Variants in TTC27 observed in about 807,000 individuals in gnomAD.
TTC27 encodes the protein tetratricopeptide repeat domain 27.
In TTC27, 79 loss-of-function variants were observed where a neutral mutation model predicts 115.9. The observed-to-expected ratio is 0.68, with a 90% confidence interval of 0.57 to 0.82. The LOEUF is 0.82. Ranked by LOEUF, TTC27 falls within the 40% of genes least tolerant of loss-of-function variation. The pLI is 0.00. For missense variants in TTC27, 1,054 were observed against 993.1 expected (o/e 1.06, Z -0.82); for synonymous variants, 401 against 356.0 (o/e 1.13, Z -1.42).
chr2:32,630,637 G>T lies in TTC27; in HGVS notation c.203G>T (p.Ser68Ile). Residue 68 changes from serine to isoleucine, a missense_variant, in exon 2 of 20, where the codon AGC (serine) becomes ATC (isoleucine). Transcript: ENST00000317907. ...ACAACCGCTGAAGAAAAGATTGATA[G>T]CTACCTGGAGAAGCAGGTAGTAACA... ...STTTAEEKIDSYLEKQVVTFL... is the reference protein window; with the variant it reads ...STTTAEEKIDIYLEKQVVTFL... 1 of 1,613,786 alleles carries T rather than the reference G, an allele frequency of 6.2e-7. No individual in the cohort carries two copies. The highest frequency in any genetic ancestry group is 8.5e-7 in the Non-Finnish European group (1 of 1,179,894).
chr2:32,802,911 CAT>C lies in TTC27; in HGVS notation c.1999-8111_1999-8110del, dbSNP rs539846429. 1.0e-3 allele frequency among the ~76,000 whole-genome samples: 153 copies of C among 152,332 alleles called. 1 individual carries two copies. The highest frequency in any genetic ancestry group is 3.5e-3 in the African/African-American group (144 of 41,576). On this transcript the variant is annotated intron_variant, in intron 16 of 19. Coordinates refer to ENST00000317907, the MANE Select transcript of TTC27 (RefSeq NM_017735.5). ...CACATGACCCTTTAACTCTTTTTCA[CAT>C]AGTCTATTCAATTTGTTTATTTTAT...
At chr2:32,787,272 G>T in intron 16 of TTC27, 123 bp downstream of exon 16, 1 of 1,085,902 alleles carries the variant, frequency 9.2e-7, no homozygotes. Flanking sequence ...CATATGAAAA[G>T]GGTATTTTTT....
chr2:32,700,254 C>G (rs1401314659), intron 9 of TTC27, among the ~76,000 whole-genome samples: 1 of 152,160 alleles, frequency 6.6e-6, no homozygotes, highest in Non-Finnish European at 1.5e-5. Context: ...GATGGGAATG[C>G]TCCTCCAATT....
At chr2:32,697,200 A>AAC (rs1553552448) in intron 9 of TTC27, among the ~76,000 whole-genome samples, 11 of 151,798 alleles carry the variant, frequency 7.2e-5, no homozygotes, top group East Asian at 1.9e-4. Flanking sequence ...TCAAAAAAAA[A>AAC]AAACAAACAA....
chr2:32,646,194 A>G (rs569162055), intron 4 of TTC27, among the ~76,000 whole-genome samples: 1 of 150,562 alleles, frequency 6.6e-6, no homozygotes, highest in South Asian at 2.1e-4. Context: ...ATGTGCAGCT[A>G]ATTTTTTGCA....
intron 16 of TTC27, among the ~76,000 whole-genome samples, chr2:32,800,551 G>A (rs1670888068): frequency 6.6e-6 from 1 of 151,942 alleles, no homozygotes; most frequent in African/African-American, 2.4e-5. Flanking sequence ...AGGCTGGAGT[G>A]CAGTGGCACA....
chr2:32,655,414 G>A (rs1419998961), intron 5 of TTC27, among the ~76,000 whole-genome samples: 2 of 152,048 alleles, frequency 1.3e-5, no homozygotes, highest in East Asian at 1.9e-4. Context: ...CCCAAAGTGC[G>A]GAATTAAAGG....
chr2:32,745,811 C>T (rs764079265), intron 12 of TTC27, among the ~76,000 whole-genome samples: 1 of 152,314 alleles, frequency 6.6e-6, no homozygotes, highest in South Asian at 2.1e-4. Flanking sequence ...CTGGCTGGAG[C>T]TAAGCAGTGG....
chr2:32,683,424 A>T (rs1014980360), intron 9 of TTC27, among the ~76,000 whole-genome samples: 6 of 152,228 alleles, frequency 3.9e-5, no homozygotes, highest in Non-Finnish European at 4.4e-5. Context: ...TTCCGTTTTG[A>T]TTAACTGTCC....
chr2:32,710,071 G>A (rs1051288347), intron 10 of TTC27, among the ~76,000 whole-genome samples: 1 of 152,018 alleles, frequency 6.6e-6, no homozygotes, highest in Admixed American at 6.6e-5. Context: ...TCTGGAGTGC[G>A]GTGGCATGAT....
intron 3 of TTC27, among the ~76,000 whole-genome samples, chr2:32,636,382 T>G (rs1410458588): frequency 6.6e-6 from 1 of 152,006 alleles, no homozygotes; most frequent in Non-Finnish European, 1.5e-5. Context: ...CCCGGCTAAT[T>G]TTTGTATTTT....
intron 10 of TTC27, 35 bp downstream of exon 10, chr2:32,702,955 C>A (rs1420226740): frequency 1.7e-5 from 25 of 1,438,114 alleles, no homozygotes; most frequent in Middle Eastern, 1.7e-4. Flanking sequence ...GTGCTTCTTC[C>A]AACTCTCTAT....
rs189111149 is a variant in TTC27 at position 32,640,682 on chromosome 2, G to A, written c.537+272G>A. 6.6e-3 allele frequency among the ~76,000 whole-genome samples: 1,002 copies of A among 152,058 alleles called. 3 individuals carry two copies. The highest frequency in any genetic ancestry group is 0.011 in the Non-Finnish European group (748 of 67,970). On this transcript the variant is annotated intron_variant, in intron 4 of 19. Coordinates refer to ENST00000317907, the MANE Select transcript of TTC27 (RefSeq NM_017735.5). ...TTCATTTGCAGAAATCTTAAATATC[G>A]ATTTAAAAATATACCTTGGGCTGGG...
At chr2:32,675,799 T>C (rs1666176717) in intron 8 of TTC27, among the ~76,000 whole-genome samples, 1 of 152,058 alleles carries the variant, frequency 6.6e-6, no homozygotes, top group Non-Finnish European at 1.5e-5. Context: ...TTTTTTTGTT[T>C]TGTTTTTTTG....
rs1431077914 is a variant in TTC27 at position 32,748,785 on chromosome 2, T to A, written c.1453-9507T>A. 9.2e-5 allele frequency among the ~76,000 whole-genome samples: 14 copies of A among 152,000 alleles called. 1 individual carries two copies. In the East Asian group the frequency reaches 2.7e-3, roughly 29 times the overall value. On this transcript the variant is annotated intron_variant, in intron 12 of 19. Transcript: ENST00000317907. ...TCACTGCAGCCTCTGCCTCCCAGGT[T>A]TCAGTGATTCTCCTGCCTCAGCATC...
chr2:32,644,872 C>CT (rs35904079), intron 4 of TTC27, among the ~76,000 whole-genome samples: 8,694 of 83,266 alleles, frequency 0.1, 530 homozygotes, highest in East Asian at 0.13. Context: ...TTCCTTTCTG[C>CT]TTTTTTTTTT....
At chr2:32,644,750 C>T (rs1057414478) in intron 4 of TTC27, among the ~76,000 whole-genome samples, 4 of 151,762 alleles carry the variant, frequency 2.6e-5, no homozygotes, top group Non-Finnish European at 5.9e-5. Context: ...TCAACTGAAG[C>T]ATTATTCTTT....
chr2:32,714,012 A>G (rs745765896), intron 10 of TTC27, among the ~76,000 whole-genome samples: 2 of 147,992 alleles, frequency 1.4e-5, no homozygotes, highest in Non-Finnish European at 3.0e-5. Context: ...AAGTGAGAGT[A>G]TGCACTATTT....
intron 6 of TTC27, 129 bp from the exon 7 acceptor site, chr2:32,666,506 C>T: frequency 3.2e-6 from 3 of 948,288 alleles, no homozygotes; most frequent in Non-Finnish European, 4.3e-6. Context: ...GGCTGGGCCT[C>T]AGGACTTTCT....
Sources: gnomAD v4.1 joint callset for allele counts (sites outside exome capture counted in the v4.1 genomes callset) on GRCh38, gnomAD v4.1.1 for gene constraint, MANE v1.5 for transcripts, NCBI Gene and HGNC (gene_info 2026-07-23, HGNC 2026-07-21) for gene names.